TERB1: variants seen among roughly 807,000 people sequenced by gnomAD.
TERB1 encodes telomere repeat binding bouquet formation protein 1, also known as telomere repeats-binding bouquet formation protein 1.
A neutral mutation model predicts 92.3 loss-of-function variants in TERB1; 63 were observed. The observed-to-expected ratio is 0.68, with a 90% CI of 0.56 to 0.84. The LOEUF (loss-of-function observed/expected upper bound fraction) is 0.84, where lower values mean the gene tolerates loss of function less well. Ranked by LOEUF, TERB1 falls within the 40% of genes least tolerant of loss-of-function variation. The probability of loss-of-function intolerance (pLI) is 0.00; values close to 1 mark genes in which losing one functional copy is unlikely to be tolerated. For missense variants in TERB1, 709 were observed against 843.7 expected (o/e 0.84, Z 1.98); for synonymous variants, 252 against 283.9 (o/e 0.89, Z 1.13).
rs1314577457 is a variant in TERB1 at position 66,772,727 on chromosome 16, T to C, written c.1134A>G (p.Leu378=). The change falls in exon 13 of 19, where the codon CTA becomes CTG. Residue 378 remains leucine, a synonymous_variant. Transcript: ENST00000433154. ...CATTTTCATCAAAAGGATATTCTCC[T>C]AGACTTAGAGATAATTTCTCAGCTT... is the stretch of plus-strand genomic sequence containing the variant. ...KKITEKLSLS[L]GEYPFDENET... is the part of the protein sequence containing the mutation. 8.4e-6 allele frequency: 13 copies of C among 1,543,112 alleles called. No individual in the cohort carries two copies. The South Asian group carries it at 1.2e-4, about 14-fold the overall frequency.
intron 6 of TERB1, among the ~76,000 whole-genome samples, chr16:66,786,486 G>A (rs363189): frequency 1.5e-3 from 232 of 152,254 alleles, no homozygotes; most frequent in African/African-American, 5.4e-3. Flanking sequence ...GAGACTAATT[G>A]TATTCAAATT....
At chr16:66,759,966 CTACTAAAAA>C (rs1218653197) in intron 16 of TERB1, among the ~76,000 whole-genome samples, 2 of 144,532 alleles carry the variant, frequency 1.4e-5, no homozygotes, top group African/African-American at 5.2e-5. Context: ...AACCCCATCT[CTACTAAAAA>C]TACAAAAATT....
At chr16:66,766,161 G>A (rs1037653885) in intron 16 of TERB1, among the ~76,000 whole-genome samples, 3 of 151,998 alleles carry the variant, frequency 2.0e-5, no homozygotes, top group Non-Finnish European at 4.4e-5. Context: ...GTGAGCCACC[G>A]CGCCCGGCCG....
At chr16:66,781,676 C>T (rs1597020396) in intron 9 of TERB1, among the ~76,000 whole-genome samples, 1 of 151,990 alleles carries the variant, frequency 6.6e-6, no homozygotes, top group South Asian at 2.1e-4. Context: ...CCCACCACCA[C>T]GCCCGGCTAA....
In TERB1 at chr16:66,769,885, T is replaced by G; in HGVS notation, c.1619+78A>C. On this transcript the variant is annotated intron_variant, in intron 14 of 18. Coordinates refer to ENST00000433154, the MANE Select transcript of TERB1 (RefSeq NM_001136505.2). ...CATGTCACTTCTACATGCCCAATAT[T>G]TAACAGTGTGGCATACTGTAGTACA... 5.2e-6 allele frequency: 5 copies of G among 961,284 alleles called. No homozygotes were observed. In the South Asian group the frequency reaches 6.8e-5, roughly 13 times the overall value. 59.5% of individuals were successfully genotyped at this position (961,284 alleles called of 1,614,324 possible).
At chr16:66,797,530 C>T (rs1959203536) in intron 2 of TERB1, among the ~76,000 whole-genome samples, 1 of 151,452 alleles carries the variant, frequency 6.6e-6, no homozygotes, top group Admixed American at 6.6e-5. Flanking sequence ...AGCTCCCACA[C>T]CCAGCCCCCA....
intron 16 of TERB1, among the ~76,000 whole-genome samples, chr16:66,764,164 G>A (rs1033963189): frequency 2.0e-4 from 31 of 152,156 alleles, no homozygotes; most frequent in African/African-American, 7.5e-4. Context: ...CTTGTAGAAA[G>A]GGCACCTGAA....
intron 3 of TERB1, among the ~76,000 whole-genome samples, chr16:66,796,288 G>C (rs558321085): frequency 2.9e-4 from 44 of 152,286 alleles, no homozygotes; most frequent in African/African-American, 9.9e-4. Flanking sequence ...TTCTCGTAAG[G>C]TTCTGATTTC....
At position 66,790,685 on chromosome 16, in the gene TERB1, T is replaced by G. The variant is rs1316333663; in HGVS notation, c.181A>C (p.Met61Leu). Reference protein sequence around the residue: ...SVYFREIGGLMFVKNLAKSSE... With the variant: ...SVYFREIGGLLFVKNLAKSSE... The stretch of plus-strand genomic sequence containing the variant: ...GACTTTGCAAGATTTTTTACAAACA[T>G]CAAACCACCAATTTCCCGAAAATAA... Residue 61 changes from methionine (M) to leucine (L), a missense_variant, in exon 5 of 19, where the codon ATG becomes CTG. Coordinates refer to ENST00000433154, the MANE Select transcript of TERB1 (RefSeq NM_001136505.2). The G allele has an allele frequency of 6.4e-7, 1 of 1,550,916 alleles. No homozygotes were observed.
At chr16:66,776,388 A>G (rs1320065365) in intron 11 of TERB1, among the ~76,000 whole-genome samples, 1 of 152,166 alleles carries the variant, frequency 6.6e-6, no homozygotes, top group East Asian at 1.9e-4. Flanking sequence ...TACCTGTCTC[A>G]TAAGTGATCT....
intron 3 of TERB1, among the ~76,000 whole-genome samples, chr16:66,794,001 A>G (rs2018883636): frequency 1.3e-5 from 2 of 152,242 alleles, no homozygotes; most frequent in African/African-American, 2.4e-5. Context: ...ATGGATACCA[A>G]TAAGCCACAT....
chr16:66,785,976 T>TA (rs1329465424), intron 8 of TERB1, 38 bp downstream of exon 8: 15 of 1,528,476 alleles, frequency 9.8e-6, no homozygotes. Flanking sequence ...CATTTGTTTT[T>TA]ATCTTTATTT....
chr16:66,801,400 C>T (rs1161501668), intron 1 of TERB1, 68 bp downstream of exon 1: 2 of 152,370 alleles, frequency 1.3e-5, no homozygotes, highest in Admixed American at 6.5e-5. Context: ...CTCACGTGGG[C>T]TAAGGGCCTG....
Position 66,788,222 on chromosome 16 carries a change from ATGTTTGAATCAT to A in TERB1, c.335_346del (p.Asn112_Asn115del). 1 of 1,513,336 alleles carries A rather than the reference ATGTTTGAATCAT, an allele frequency of 6.6e-7. No homozygotes were observed. Among genetic ancestry groups the A allele is most frequent in the Non-Finnish European group, 8.9e-7 (1 of 1,129,200 alleles). The allele number at this position is 1,513,336 out of a possible 1,614,324, so 93.7% of individuals were successfully genotyped here. Reference sequence around the variant, plus strand: ...ATAAACAGACATTCTTTTCAAATTTATGTTTGAATCATTAGATAAGAACCAAGTTAAGTCTTC... The same window carrying A: ...ATAAACAGACATTCTTTTCAAATTTATAGATAAGAACCAAGTTAAGTCTTC... On this transcript the variant is annotated inframe_deletion, in exon 6 of 19. Coordinates refer to ENST00000433154, the MANE Select transcript of TERB1 (RefSeq NM_001136505.2).
chr16:66,768,706 T>TA, intron 14 of TERB1, among the ~76,000 whole-genome samples: 1 of 152,344 alleles, frequency 6.6e-6, no homozygotes, highest in Admixed American at 6.5e-5. Context: ...GCTTTATAGT[T>TA]ATAGCTATCT....
At chr16:66,765,055 CT>C (rs2018315500) in intron 16 of TERB1, among the ~76,000 whole-genome samples, 2 of 152,178 alleles carry the variant, frequency 1.3e-5, no homozygotes, top group African/African-American at 4.8e-5. Flanking sequence ...GAGGAGAATA[CT>C]TGTGGCAATC....
intron 11 of TERB1, among the ~76,000 whole-genome samples, chr16:66,776,452 T>C (rs2018550517): frequency 6.6e-6 from 1 of 152,188 alleles, no homozygotes; most frequent in Non-Finnish European, 1.5e-5. Context: ...ACAAACTCAC[T>C]TGGTTTGAAA....
chr16:66,769,922 T>C, intron 14 of TERB1, 41 bp downstream of exon 14: 2 of 1,359,008 alleles, frequency 1.5e-6, no homozygotes, highest in South Asian at 2.7e-5. Context: ...AATAAATGCT[T>C]GCTGAATAAA....
At chr16:66,796,867 G>A in intron 2 of TERB1, 37 bp from the exon 3 acceptor site, 2 of 1,123,140 alleles carry the variant, frequency 1.8e-6, no homozygotes, top group Non-Finnish European at 2.6e-6. Flanking sequence ...TTAAATCAAT[G>A]TTTGAGAATG....
Sources: gnomAD v4.1 joint callset for allele counts (sites outside exome capture counted in the v4.1 genomes callset) on GRCh38, gnomAD v4.1.1 for gene constraint, MANE v1.5 for transcripts, NCBI Gene and HGNC (gene_info 2026-07-23, HGNC 2026-07-21) for gene names.